Variants in GPR161 observed in about 807,000 individuals in gnomAD.
GPR161 encodes G-protein coupled receptor RE2.
In GPR161, 25 loss-of-function variants were observed where a neutral mutation model predicts 39.2. That is an observed-to-expected ratio of 0.64 (90% CI 0.47 to 0.89). The LOEUF is 0.89. Among genes scored for constraint, GPR161 ranks in the 40% least tolerant of loss-of-function variants. The probability of loss-of-function intolerance (pLI) is 0.00; values close to 1 mark genes in which losing one functional copy is unlikely to be tolerated. For missense variants in GPR161, 547 were observed against 677.8 expected (o/e 0.81, Z 2.14); for synonymous variants, 286 against 276.6 (o/e 1.03, Z -0.34).
At chr1:168,117,364 T>A (rs1447140459) in intron 1 of GPR161, among the ~76,000 whole-genome samples, 1 of 152,220 alleles carries the variant, frequency 6.6e-6, no homozygotes, top group Non-Finnish European at 1.5e-5. Flanking sequence ...CTTTTACAGG[T>A]AGGGATGACT....
chr1:168,119,245 C>T (rs1416503199), intron 1 of GPR161, among the ~76,000 whole-genome samples: 1,169 of 101,222 alleles, frequency 0.012, 77 homozygotes, highest in African/African-American at 0.039. Flanking sequence ...TATATATACA[C>T]ATATATATAT....
At position 168,081,537 on chromosome 1, in the gene GPR161, C is replaced by T. The variant is rs1694074869; in HGVS notation, c.*3994G>A. On this transcript the variant is annotated 3_prime_UTR_variant, in exon 6 of 6. Transcript: ENST00000682931. ...TATTTCCTCATAGAATCCAGACAGT[C>T]ACCCTGTGACGGAGGACTCCCTCAA... is the stretch of plus-strand genomic sequence containing the variant. 3 of 152,234 alleles carry T rather than the reference C, an allele frequency of 2.0e-5. No homozygotes were observed. The highest frequency in any genetic ancestry group is 2.0e-4 in the Admixed American group (3 of 15,288). The allele number at this position is 152,234 out of a possible 1,614,324, so 9.4% of individuals were successfully genotyped here. A position where few individuals can be genotyped will look rare whatever the true frequency, so the allele number is the denominator to read the frequency against.
At chr1:168,106,601 T>C (rs190210358) in intron 1 of GPR161, among the ~76,000 whole-genome samples, 18 of 152,214 alleles carry the variant, frequency 1.2e-4, no homozygotes, top group Non-Finnish European at 2.1e-4. Flanking sequence ...CATTTTCTTG[T>C]AGCAACTAAT....
intron 1 of GPR161, chr1:168,136,387 GC>G: frequency 7.0e-7 from 1 of 1,420,278 alleles, no homozygotes; most frequent in South Asian, 1.5e-5. Context: ...ACGCACCTAC[GC>G]CCTCCCATCC....
In GPR161 at chr1:168,083,154, T is replaced by C. The variant is rs908192674; in HGVS notation, c.*2377A>G. 1.3e-5 allele frequency: 2 copies of C among 152,232 alleles called. No individual in the cohort carries two copies. Among genetic ancestry groups the C allele is most frequent in the Non-Finnish European group, 2.9e-5 (2 of 68,054 alleles). 9.4% of individuals were successfully genotyped at this position (152,232 alleles called of 1,614,324 possible). A position where few individuals can be genotyped will look rare whatever the true frequency, so the allele number is the denominator to read the frequency against. On this transcript the variant is annotated 3_prime_UTR_variant, in exon 6 of 6. Transcript: ENST00000682931. ...GCTCCCTAAATCAGAGTGCACACTTTAGTGGTATTGCCTACAGAGCCTAGC... is the reference window on the plus strand; with the variant it reads ...GCTCCCTAAATCAGAGTGCACACTTCAGTGGTATTGCCTACAGAGCCTAGC...
intron 2 of GPR161, 101 bp downstream of exon 2, chr1:168,104,376 C>T (rs1359120240): frequency 1.1e-6 from 1 of 934,172 alleles, no homozygotes; most frequent in Non-Finnish European, 1.7e-6. Context: ...CCAGCAAGGG[C>T]CCCTGACACT....
intron 1 of GPR161, among the ~76,000 whole-genome samples, chr1:168,119,182 C>A (rs1354457378): frequency 7.6e-6 from 1 of 131,680 alleles, no homozygotes; most frequent in African/African-American, 3.0e-5. Context: ...GTAGAAGCAA[C>A]CCAAATCTCC....
intron 2 of GPR161, among the ~76,000 whole-genome samples, chr1:168,104,131 G>C (rs1558110077): frequency 6.6e-6 from 1 of 152,206 alleles, no homozygotes; most frequent in African/African-American, 2.4e-5. Flanking sequence ...CACACTGGGA[G>C]AAAGAGAAGC....
rs752046873 is a variant in GPR161, at chr1:168,104,482, G to A, written c.369C>T (p.Ile123=). 5.6e-6 allele frequency: 9 copies of A among 1,611,510 alleles called. No homozygotes were observed. Among genetic ancestry groups the A allele is most frequent in the African/African-American group, 1.3e-5 (1 of 74,844 alleles). ...ASMLTLGVIA[I]DRYYAVLYPM... is the part of the protein sequence containing the mutation. Reference sequence around the variant, plus strand: ...TAAGTCTGAGGCATGCTTACCGGTCGATGGCAATGACCCCGAGGGTTAGCA... The same window carrying A: ...TAAGTCTGAGGCATGCTTACCGGTCAATGGCAATGACCCCGAGGGTTAGCA... Residue 123 remains isoleucine (I), a synonymous_variant, in exon 2 of 6, where the codon ATC becomes ATT. Coordinates refer to ENST00000682931, the MANE Select transcript of GPR161 (RefSeq NM_001375883.1).
At chr1:168,128,359 G>T (rs902147197) in intron 1 of GPR161, among the ~76,000 whole-genome samples, 4 of 152,188 alleles carry the variant, frequency 2.6e-5, no homozygotes, top group Non-Finnish European at 5.9e-5. Context: ...GACATTTTTG[G>T]TTGTCACACC....
At chr1:168,091,397 C>A (rs1208770212) in intron 3 of GPR161, among the ~76,000 whole-genome samples, 1 of 152,126 alleles carries the variant, frequency 6.6e-6, no homozygotes, top group Non-Finnish European at 1.5e-5. Context: ...GACCCTGGCC[C>A]CTTGTCCCAC....
intron 1 of GPR161, chr1:168,136,281 G>A: frequency 6.9e-7 from 1 of 1,447,406 alleles, no homozygotes; most frequent in Non-Finnish European, 9.1e-7. Flanking sequence ...TTCCAGCCGA[G>A]GGGCGTGACC....
intron 1 of GPR161, among the ~76,000 whole-genome samples, chr1:168,107,838 C>T (rs2102183850): frequency 6.6e-6 from 1 of 152,282 alleles, no homozygotes; most frequent in Non-Finnish European, 1.5e-5. Flanking sequence ...TGGCAGCACT[C>T]TCTGCAGGCA....
chr1:168,136,809 G>T lies in GPR161; in HGVS notation c.-115C>A, dbSNP rs920676978. On this transcript the variant is annotated 5_prime_UTR_variant, in exon 1 of 6. Coordinates refer to ENST00000682931, the MANE Select transcript of GPR161 (RefSeq NM_001375883.1). The stretch of plus-strand genomic sequence containing the variant: ...CCCCGCCTCGGCCACCGCCGCCGCC[G>T]CTTCCTTCCTCCCCGCCGCGCTCCG... The T allele has an allele frequency of 1.0e-6, 1 of 983,922 alleles. No homozygotes were observed. The highest frequency in any genetic ancestry group is 1.8e-5 in the African/African-American group (1 of 56,644). 60.9% of individuals were successfully genotyped at this position (983,922 alleles called of 1,614,324 possible). A position where few individuals can be genotyped will look rare whatever the true frequency, so the allele number is the denominator to read the frequency against.
chr1:168,087,985 A>G (rs1387073489), intron 4 of GPR161: 1 of 311,612 alleles, frequency 3.2e-6, no homozygotes, highest in East Asian at 7.0e-5. Context: ...CCCCAGAAGC[A>G]TGGCATCTGC....
At chr1:168,103,011 A>C (rs6659713) in intron 2 of GPR161, among the ~76,000 whole-genome samples, 55,151 of 151,972 alleles carry the variant, frequency 0.36, 10,249 homozygotes, top group Admixed American at 0.47. Context: ...CCTTTTATAT[A>C]TCAAGAATCT....
At chr1:168,096,319 T>C (rs1695533398) in intron 3 of GPR161, among the ~76,000 whole-genome samples, 189 bp downstream of exon 3, 1 of 152,094 alleles carries the variant, frequency 6.6e-6, no homozygotes, top group South Asian at 2.1e-4. Flanking sequence ...GGCCGTGAGC[T>C]ACTGAGTGAC....
rs146639157 is a variant in GPR161 at position 168,125,657 on chromosome 1, G to A, written c.-45+11082C>T. Among the ~76,000 whole-genome samples, 211 of 142,016 alleles carry A rather than the reference G, an allele frequency of 1.5e-3. 1 individual carries two copies. Among genetic ancestry groups the A allele is most frequent in the African/African-American group, 5.3e-3 (196 of 37,128 alleles). The allele number at this position is 142,016 out of a possible 152,430, so 93.2% of individuals were successfully genotyped here. On this transcript the variant is annotated intron_variant, in intron 1 of 5. Transcript: ENST00000682931. ...TTTTTTGAGACAGTCTCACCCTGTCGTCCAGGCTGGAGTACAATGGTGTGA... is the reference window on the plus strand; with the variant it reads ...TTTTTTGAGACAGTCTCACCCTGTCATCCAGGCTGGAGTACAATGGTGTGA...
At chr1:168,102,211 G>A (rs1170569781) in intron 2 of GPR161, among the ~76,000 whole-genome samples, 1 of 152,228 alleles carries the variant, frequency 6.6e-6, no homozygotes, top group Non-Finnish European at 1.5e-5. Flanking sequence ...CACAGAAGCT[G>A]CTCCTTCAGT....
Sources: gnomAD v4.1 joint callset for allele counts (sites outside exome capture counted in the v4.1 genomes callset) on GRCh38, gnomAD v4.1.1 for gene constraint, MANE v1.5 for transcripts, NCBI Gene and HGNC (gene_info 2026-07-23, HGNC 2026-07-21) for gene names.